The following TBL1XR1 variants were observed in gnomAD, a reference collection of about 807,000 sequenced individuals.
TBL1XR1 encodes TBL1X/Y related 1, also known as F-box-like/WD repeat-containing protein TBL1XR1.
TBL1XR1 carries 5 observed loss-of-function variants against 66.9 expected under a neutral mutation model. That is an observed-to-expected ratio of 0.07 (90% CI 0.04 to 0.16). The LOEUF is 0.16. TBL1XR1 is among the 10% of genes least tolerant of loss of function. The pLI is 1.00. For synonymous variants in TBL1XR1, 210 were observed against 206.0 expected, an observed-to-expected ratio of 1.02 and a Z score of -0.17; for missense variants, 238 against 623.2, an observed-to-expected ratio of 0.38 and a Z score of 6.58.
chr3:177,020,599 G>T lies in TBL1XR1; in HGVS notation c.*4899C>A, dbSNP rs1234018687. ...TATGAAGGCTAACTTGGAAAAAAAG[G>T]TTTATTCTACAATAGAACACTGGAG... On this transcript the variant is annotated 3_prime_UTR_variant, in exon 16 of 16. Coordinates refer to ENST00000457928, the MANE Select transcript of TBL1XR1 (RefSeq NM_024665.7). The T allele has an allele frequency of 6.6e-6, 1 of 152,092 alleles. No homozygotes were observed. Among genetic ancestry groups the T allele is most frequent in the Non-Finnish European group, 1.5e-5 (1 of 67,996 alleles). 9.4% of individuals were successfully genotyped at this position (152,092 alleles called of 1,614,324 possible).
At chr3:177,182,280 A>C (rs1734918296) in intron 1 of TBL1XR1, among the ~76,000 whole-genome samples, 1 of 152,098 alleles carries the variant, frequency 6.6e-6, no homozygotes, top group African/African-American at 2.4e-5. Context: ...GATACTCAAG[A>C]GGCTGAGGTG....
chr3:177,194,525 AG>A (rs1368090637), intron 1 of TBL1XR1, among the ~76,000 whole-genome samples: 1 of 152,210 alleles, frequency 6.6e-6, no homozygotes, highest in Non-Finnish European at 1.5e-5. Context: ...GTGTCAAGTC[AG>A]GAATTCTTTA....
intron 1 of TBL1XR1, among the ~76,000 whole-genome samples, chr3:177,187,325 G>A (rs975522348): frequency 2.0e-5 from 3 of 151,184 alleles, no homozygotes; most frequent in Non-Finnish European, 4.4e-5. Context: ...AACCCGGGAG[G>A]CAGAGGTTGC....
intron 12 of TBL1XR1, chr3:177,037,327 T>C (rs1405157392): frequency 6.6e-6 from 1 of 152,226 alleles, no homozygotes; most frequent in Non-Finnish European, 1.5e-5. Context: ...GAAGACAATT[T>C]ATAGCATGAC....
chr3:177,177,404 T>C (rs767661036), intron 1 of TBL1XR1, among the ~76,000 whole-genome samples: 2 of 152,006 alleles, frequency 1.3e-5, no homozygotes, highest in Non-Finnish European at 2.9e-5. Flanking sequence ...GAACCGAGAT[T>C]GCGCCACTGC....
At chr3:177,084,784 A>C (rs1721915467) in intron 2 of TBL1XR1, among the ~76,000 whole-genome samples, 2 of 152,234 alleles carry the variant, frequency 1.3e-5, no homozygotes, top group African/African-American at 4.8e-5. Context: ...AATAACAGGA[A>C]ACTCCAATGC....
At chr3:177,143,178 C>T (rs1174478546) in intron 1 of TBL1XR1, among the ~76,000 whole-genome samples, 2 of 151,758 alleles carry the variant, frequency 1.3e-5, no homozygotes, top group African/African-American at 4.8e-5. Context: ...AATCAATCAA[C>T]AATATATATT....
At chr3:177,112,107 A>ATATATATATATATATATATATATTTT in intron 1 of TBL1XR1, among the ~76,000 whole-genome samples, 1 of 37,650 alleles carries the variant, frequency 2.7e-5, no homozygotes, top group Non-Finnish European at 4.5e-5. Flanking sequence ...ATATATATAT[A>ATATATATATATATATATATATATTTT]TTTTTTTTTT....
chr3:177,111,282 T>G (rs1331493021), intron 1 of TBL1XR1, among the ~76,000 whole-genome samples: 2 of 152,066 alleles, frequency 1.3e-5, no homozygotes, highest in African/African-American at 4.8e-5. Flanking sequence ...TTTTTTTTTT[T>G]TTTTTTTAAA....
intron 1 of TBL1XR1, among the ~76,000 whole-genome samples, chr3:177,115,062 A>C (rs1726142034): frequency 6.6e-6 from 1 of 152,092 alleles, no homozygotes; most frequent in African/African-American, 2.4e-5. Flanking sequence ...GTCTACATCC[A>C]TATTGTCTTA....
intron 1 of TBL1XR1, among the ~76,000 whole-genome samples, chr3:177,149,840 C>A (rs546395274): frequency 6.6e-6 from 1 of 152,298 alleles, no homozygotes; most frequent in East Asian, 1.9e-4. Context: ...TGCTTCCTAA[C>A]AGCAGACTTC....
intron 1 of TBL1XR1, among the ~76,000 whole-genome samples, chr3:177,111,919 C>T (rs1474959214): frequency 6.6e-6 from 1 of 151,164 alleles, no homozygotes; most frequent in Non-Finnish European, 1.5e-5. Flanking sequence ...CAACTTAAGC[C>T]TCTTAAGACT....
chr3:177,201,414 C>CAAAAA (rs557996871), upstream of TBL1XR1, among the ~76,000 whole-genome samples: 169 of 40,450 alleles, frequency 4.2e-3, no homozygotes, highest in Non-Finnish European at 6.0e-3. Context: ...GATTACATCT[C>CAAAAA]AAAAAAAAAA....
chr3:177,111,742 G>A (rs1725590968), intron 1 of TBL1XR1, among the ~76,000 whole-genome samples: 1 of 152,070 alleles, frequency 6.6e-6, no homozygotes. Context: ...ACCCTATATG[G>A]TGGCTGTTAA....
At chr3:177,157,746 T>C (rs939852331) in intron 1 of TBL1XR1, among the ~76,000 whole-genome samples, 1 of 152,068 alleles carries the variant, frequency 6.6e-6, no homozygotes, top group African/African-American at 2.4e-5. Flanking sequence ...TAACCTGCAG[T>C]GTTAGAAAGC....
intron 3 of TBL1XR1, among the ~76,000 whole-genome samples, chr3:177,061,422 A>C (rs542754539): frequency 6.6e-6 from 1 of 152,366 alleles, no homozygotes; most frequent in African/African-American, 2.4e-5. Context: ...CAAATGTTAA[A>C]AGTTCTTACA....
chr3:177,104,446 C>T (rs1220615767), intron 1 of TBL1XR1, among the ~76,000 whole-genome samples: 1 of 152,180 alleles, frequency 6.6e-6, no homozygotes, highest in Non-Finnish European at 1.5e-5. Context: ...CCACTGTCCT[C>T]ACCCGATCCT....
At chr3:177,183,188 A>T (rs1479263878) in intron 1 of TBL1XR1, among the ~76,000 whole-genome samples, 1 of 152,198 alleles carries the variant, frequency 6.6e-6, no homozygotes, top group Admixed American at 6.5e-5. Flanking sequence ...AATCCATAAA[A>T]GTAGAAAAGT....
intron 1 of TBL1XR1, among the ~76,000 whole-genome samples, chr3:177,115,067 G>A (rs1726143624): frequency 6.6e-6 from 1 of 152,012 alleles, no homozygotes. Flanking sequence ...CATCCATATT[G>A]TCTTACTGCC....
Sources: gnomAD v4.1 joint callset for allele counts (sites outside exome capture counted in the v4.1 genomes callset) on GRCh38, gnomAD v4.1.1 for gene constraint, MANE v1.5 for transcripts, NCBI Gene and HGNC (gene_info 2026-07-23, HGNC 2026-07-21) for gene names.